The following RNF144A variants were observed in gnomAD, a reference collection of about 807,000 sequenced individuals.
RNF144A encodes ring finger protein 144A.
A neutral mutation model predicts 38.7 loss-of-function variants in RNF144A; 11 were observed. That is an observed-to-expected ratio of 0.28 (90% CI 0.18 to 0.47). The LOEUF (loss-of-function observed/expected upper bound fraction) is 0.47. Ranked by LOEUF, RNF144A falls within the 20% of genes least tolerant of loss-of-function variation. The pLI, the probability that RNF144A is intolerant of heterozygous loss-of-function variation, is 0.99. For missense variants in RNF144A, 316 were observed against 377.2 expected (o/e 0.84, Z 1.34); for synonymous variants, 149 against 143.9 (o/e 1.04, Z -0.25).
At chr2:6,968,742 T>C (rs1667822460) in intron 2 of RNF144A, among the ~76,000 whole-genome samples, 1 of 152,028 alleles carries the variant, frequency 6.6e-6, no homozygotes, top group South Asian at 2.1e-4. Context: ...ACGCATCAAC[T>C]CTTCTTCAGG....
intron 6 of RNF144A, among the ~76,000 whole-genome samples, chr2:7,059,893 G>A (rs1013027818): frequency 6.6e-6 from 1 of 152,192 alleles, no homozygotes; most frequent in African/African-American, 2.4e-5. Context: ...CTTCTCTTGA[G>A]TAAAAGTGGC....
chr2:6,974,867 T>G (rs1668212487), intron 2 of RNF144A, among the ~76,000 whole-genome samples: 1 of 152,248 alleles, frequency 6.6e-6, no homozygotes, highest in Admixed American at 6.5e-5. Flanking sequence ...TGGAATTTTT[T>G]TGGTAATTTA....
At chr2:7,029,286 T>G (rs1672121543) in intron 7 of RNF144A, among the ~76,000 whole-genome samples, 1 of 152,220 alleles carries the variant, frequency 6.6e-6, no homozygotes, top group African/African-American at 2.4e-5. Context: ...CTCCTGGTCC[T>G]GGAGGCATAG....
downstream of RNF144A, among the ~76,000 whole-genome samples, chr2:7,046,159 G>A (rs1486622652): frequency 6.6e-6 from 1 of 152,176 alleles, no homozygotes; most frequent in Non-Finnish European, 1.5e-5. Flanking sequence ...GATTATAACT[G>A]CTGATGTGGC....
At chr2:7,074,329 C>T in the RNF144A span, among the ~76,000 whole-genome samples, 1 of 152,172 alleles carries the variant, frequency 6.6e-6, no homozygotes, top group Non-Finnish European at 1.5e-5. Context: ...CCTATTGACA[C>T]ACCTGCTATA....
intron 6 of RNF144A, among the ~76,000 whole-genome samples, chr2:7,064,941 G>C (rs1198673907): frequency 2.0e-5 from 3 of 152,210 alleles, no homozygotes; most frequent in Non-Finnish European, 4.4e-5. Context: ...CAAGCCCTGA[G>C]AACTCGGGGC....
intron 2 of RNF144A, among the ~76,000 whole-genome samples, chr2:6,945,998 G>A (rs1666322329): frequency 6.6e-6 from 1 of 152,178 alleles, no homozygotes; most frequent in Admixed American, 6.5e-5. Context: ...CCATTCAGAT[G>A]TGTCAAGGGT....
chr2:6,940,416 G>C (rs934020546), intron 1 of RNF144A, among the ~76,000 whole-genome samples: 1 of 152,198 alleles, frequency 6.6e-6, no homozygotes, highest in South Asian at 2.1e-4. Context: ...ACCATTTAGC[G>C]TAATTACTGA....
intron 6 of RNF144A, among the ~76,000 whole-genome samples, chr2:7,065,695 T>A (rs1471187673): frequency 6.6e-6 from 1 of 152,258 alleles, no homozygotes; most frequent in Admixed American, 6.5e-5. Flanking sequence ...TTTTTAAGCA[T>A]GGCCATATGG....
At chr2:6,982,828 G>A (rs905369524) in intron 2 of RNF144A, among the ~76,000 whole-genome samples, 1 of 152,124 alleles carries the variant, frequency 6.6e-6, no homozygotes, top group Non-Finnish European at 1.5e-5. Context: ...GGGATTCTTC[G>A]GGTTTCTGTG....
chr2:7,066,188 C>T (rs1307734006), intron 6 of RNF144A, among the ~76,000 whole-genome samples: 1 of 151,844 alleles, frequency 6.6e-6, no homozygotes, highest in African/African-American at 2.4e-5. Flanking sequence ...CCTGGGTTTA[C>T]GCCATTCTCC....
At chr2:6,924,210 A>G (rs1664720325) in intron 1 of RNF144A, among the ~76,000 whole-genome samples, 1 of 152,210 alleles carries the variant, frequency 6.6e-6, no homozygotes, top group South Asian at 2.1e-4. Context: ...CCTGGAATGC[A>G]GAGAGAGAAT....
intron 8 of RNF144A, among the ~76,000 whole-genome samples, chr2:7,033,243 G>A (rs1327378151): frequency 6.6e-6 from 1 of 152,284 alleles, no homozygotes; most frequent in Admixed American, 6.5e-5. Flanking sequence ...CAGCCCATGT[G>A]CGGCCCACGT....
In RNF144A at chr2:7,039,769, C is replaced by T. The variant is rs568338318; in HGVS notation, c.*9C>T. 2.4e-5 allele frequency: 39 copies of T among 1,612,304 alleles called. No homozygotes were observed. Among genetic ancestry groups the T allele is most frequent in the Middle Eastern group, 2.0e-4 (1 of 5,066 alleles). On this transcript the variant is annotated 3_prime_UTR_variant, in exon 9 of 9. Coordinates refer to ENST00000320892, the MANE Select transcript of RNF144A (RefSeq NM_014746.6). Reference sequence around the variant, plus strand: ...ACCCGTTACCCACCTAGAGGAAGCGCGATGCTGGAACACATCCCTGCCTCC... The same window carrying T: ...ACCCGTTACCCACCTAGAGGAAGCGTGATGCTGGAACACATCCCTGCCTCC...
chr2:6,987,504 A>C (rs1282718432), intron 2 of RNF144A, among the ~76,000 whole-genome samples: 1 of 152,204 alleles, frequency 6.6e-6, no homozygotes, highest in Non-Finnish European at 1.5e-5. Context: ...CCTGGTCTAC[A>C]AAAGAAAACA....
chr2:7,065,525 CTT>C (rs893335688), intron 6 of RNF144A, among the ~76,000 whole-genome samples: 6 of 152,154 alleles, frequency 3.9e-5, no homozygotes, highest in Admixed American at 2.0e-4. Flanking sequence ...TGGATAGATT[CTT>C]TTATAAAGTT....
intron 2 of RNF144A, among the ~76,000 whole-genome samples, chr2:6,948,032 C>T (rs144298480): frequency 1.0e-3 from 152 of 152,270 alleles, no homozygotes; most frequent in African/African-American, 3.4e-3. Flanking sequence ...AATCTAGGTC[C>T]CGAGGGAAGA....
Position 7,040,903 on chromosome 2 carries a change from C to G in RNF144A, c.*1143C>G, listed in dbSNP as rs780580222. The G allele has an allele frequency of 1.7e-5, 17 of 985,332 alleles. No individual in the cohort carries two copies. Among genetic ancestry groups the G allele is most frequent in the Non-Finnish European group, 2.0e-5 (17 of 829,942 alleles). The allele number at this position is 985,332 out of a possible 1,614,324, so 61.0% of individuals were successfully genotyped here. ...GGGAAAAGAACCTCCCATTTCACTT[C>G]GTTTTAACGTGGGGATTTTACCACT... On this transcript the variant is annotated 3_prime_UTR_variant, in exon 9 of 9. Coordinates refer to ENST00000320892, the MANE Select transcript of RNF144A (RefSeq NM_014746.6).
rs777964553 is a variant in RNF144A at position 7,039,635 on chromosome 2, G to A, written c.754G>A (p.Gly252Ser). 11 of 1,613,822 alleles carry A rather than the reference G, an allele frequency of 6.8e-6. No homozygotes were observed. The highest frequency in any genetic ancestry group is 1.1e-5 in the South Asian group (1 of 91,046). The change falls in exon 9 of 9, where the codon GGC (glycine) becomes AGC (serine). Residue 252 changes from glycine (G) to serine (S), a missense_variant. By Grantham distance (56) the Gly-to-Ser change is moderately conservative (BLOSUM62 0). Transcript: ENST00000320892. ...SVIWHRTQVV[G>S]IFAGFGLLLL... ...CTTTGTTTCTTTCTTCCAGGTTGTG[G>A]GCATTTTTGCAGGATTTGGGCTGCT...
Sources: gnomAD v4.1 joint callset for allele counts (sites outside exome capture counted in the v4.1 genomes callset) on GRCh38, gnomAD v4.1.1 for gene constraint, MANE v1.5 for transcripts, NCBI Gene and HGNC (gene_info 2026-07-23, HGNC 2026-07-21) for gene names.